Variants in SFXN5 observed in about 807,000 individuals in gnomAD.
The protein encoded by SFXN5 is sideroflexin-5.
SFXN5 carries 43 observed loss-of-function variants against 50.2 expected under a neutral mutation model. The observed-to-expected ratio is 0.86, with a 90% CI of 0.67 to 1.11. The LOEUF (loss-of-function observed/expected upper bound fraction) is 1.11, where lower values mean the gene tolerates loss of function less well. Ranked by LOEUF, SFXN5 falls within the 50% of genes least tolerant of loss-of-function variation. SFXN5 has a pLI of 0.00. For missense variants in SFXN5, 463 were observed against 454.1 expected (o/e 1.02, Z -0.18); for synonymous variants, 203 against 185.8 (o/e 1.09, Z -0.75).
intron 12 of SFXN5, among the ~76,000 whole-genome samples, chr2:72,964,227 G>A (rs1024959437): frequency 3.9e-5 from 6 of 152,202 alleles, no homozygotes; most frequent in East Asian, 1.9e-4. Context: ...TTTGCACTCC[G>A]TTAATTTGTA....
intron 1 of SFXN5, among the ~76,000 whole-genome samples, chr2:73,065,456 A>C (rs1006846183): frequency 5.9e-5 from 9 of 151,746 alleles, no homozygotes; most frequent in Admixed American, 5.9e-4. Flanking sequence ...GCTGGAGTGC[A>C]ATGGTGCAAT....
chr2:73,069,489 T>C (rs114484492), intron 1 of SFXN5, among the ~76,000 whole-genome samples: 1 of 152,142 alleles, frequency 6.6e-6, no homozygotes, highest in South Asian at 2.1e-4. Flanking sequence ...CAGGGAGCCA[T>C]GCGGGAGGAG....
At chr2:72,954,390 CT>C (rs1481673353) in intron 13 of SFXN5, among the ~76,000 whole-genome samples, 3 of 152,120 alleles carry the variant, frequency 2.0e-5, no homozygotes, top group Non-Finnish European at 4.4e-5. Flanking sequence ...GAGGTCAGTT[CT>C]CTGCTGAGGC....
At position 72,961,075 on chromosome 2, in the gene SFXN5, A is replaced by C; in HGVS notation, c.945+56T>G. ...CGGCACGGTATGAGTATTTGTTCAGAAATCACCAAACAGCACCCCCTGCCC... is the reference window on the plus strand; with the variant it reads ...CGGCACGGTATGAGTATTTGTTCAGCAATCACCAAACAGCACCCCCTGCCC... On this transcript the variant is annotated intron_variant, in intron 13 of 13. Coordinates refer to ENST00000272433, the MANE Select transcript of SFXN5 (RefSeq NM_144579.3). This position sits in a 1 kb window ranked among gnomAD's most constrained non-coding sequence, Gnocchi z 4.4. 7.9e-7 allele frequency: 1 copy of C among 1,263,372 alleles called. No homozygotes were observed. Among genetic ancestry groups the C allele is most frequent in the South Asian group, 1.5e-5 (1 of 65,534 alleles). The allele number at this position is 1,263,372 out of a possible 1,614,324, so 78.3% of individuals were successfully genotyped here. A position where few individuals can be genotyped will look rare whatever the true frequency, so the allele number is the denominator to read the frequency against.
intron 1 of SFXN5, among the ~76,000 whole-genome samples, chr2:73,060,824 C>CGAG (rs1484176672): frequency 1.3e-5 from 2 of 151,766 alleles, no homozygotes; most frequent in African/African-American, 4.8e-5. Flanking sequence ...CTCAGCCTCC[C>CGAG]GAGTAGCTGT....
intron 3 of SFXN5, among the ~76,000 whole-genome samples, chr2:73,031,952 C>A (rs900632649): frequency 6.6e-6 from 1 of 152,186 alleles, no homozygotes; most frequent in Non-Finnish European, 1.5e-5. Context: ...TGAGGCCACG[C>A]CCAGCTTAGA....
At chr2:73,018,650 G>A (rs1199282183) in intron 6 of SFXN5, among the ~76,000 whole-genome samples, 2 of 152,170 alleles carry the variant, frequency 1.3e-5, no homozygotes, top group African/African-American at 4.8e-5. Context: ...TTACCCAATA[G>A]TTTTAACATC....
At chr2:72,970,889 T>C (rs1163457302) in intron 11 of SFXN5, among the ~76,000 whole-genome samples, 1 of 152,020 alleles carries the variant, frequency 6.6e-6, no homozygotes, top group Non-Finnish European at 1.5e-5. Context: ...GGTTTTGCCA[T>C]GTTGGCCAGG....
chr2:73,051,257 C>CTTTTTTTTTTT (rs35074891), intron 2 of SFXN5, among the ~76,000 whole-genome samples: 2 of 114,770 alleles, frequency 1.7e-5, no homozygotes, highest in African/African-American at 3.5e-5. Context: ...TTTTCCAGCA[C>CTTTTTTTTTTT]TTTTTTTTTT....
rs146402242 is a variant in SFXN5 at position 73,001,882 on chromosome 2, T to C, written c.358-304A>G. On this transcript the variant is annotated intron_variant, in intron 6 of 13. Coordinates refer to ENST00000272433, the MANE Select transcript of SFXN5 (RefSeq NM_144579.3). ...CATGAAAAAACCTGTAGTGTGGATG[T>C]CTCTGGAGGTTGGGTTGCAGATTAC... is the stretch of plus-strand genomic sequence containing the variant. Among the ~76,000 whole-genome samples the C allele has an allele frequency of 1.3e-4, 20 of 152,362 alleles. No individual in the cohort carries two copies. In the East Asian group the frequency reaches 3.3e-3, roughly 25 times the overall value.
chr2:72,956,962 A>T, intron 13 of SFXN5: 1 of 454,652 alleles, frequency 2.2e-6, no homozygotes, highest in Non-Finnish European at 4.4e-6. Context: ...CTCCACTCCT[A>T]GTCCCCTCTG....
intron 6 of SFXN5, among the ~76,000 whole-genome samples, chr2:73,004,782 G>A (rs945112071): frequency 6.6e-6 from 1 of 152,224 alleles, no homozygotes; most frequent in Admixed American, 6.5e-5. Flanking sequence ...GGGACCAAAA[G>A]CACGAGGATG....
chr2:72,977,291 T>C (rs149949105), intron 10 of SFXN5, among the ~76,000 whole-genome samples: 126 of 152,318 alleles, frequency 8.3e-4, no homozygotes, highest in Non-Finnish European at 1.3e-3. Context: ...CCTTATTATT[T>C]AAACCCTCAA....
intron 6 of SFXN5, among the ~76,000 whole-genome samples, chr2:73,013,453 T>C (rs894169299): frequency 4.6e-5 from 6 of 129,330 alleles, no homozygotes; most frequent in Non-Finnish European, 1.0e-4. Flanking sequence ...GTTTGAGAGA[T>C]AGAGATGATA....
chr2:73,049,194 T>G (rs1680912777), intron 2 of SFXN5: 1 of 152,214 alleles, frequency 6.6e-6, no homozygotes, highest in African/African-American at 2.4e-5. Flanking sequence ...TGGTATCTGG[T>G]GAGGGCATCT....
At position 72,944,927 on chromosome 2, in the gene SFXN5, G is replaced by T; in HGVS notation, c.*95C>A. ...AGGGGGCCCAGGACTGCTGGGGTTG[G>T]CGTGCTGCTCCCTGCAGGTGCAGCC... On this transcript the variant is annotated 3_prime_UTR_variant, in exon 14 of 14. Transcript: ENST00000272433. 8.6e-7 allele frequency: 1 copy of T among 1,160,000 alleles called. No homozygotes were observed. The highest frequency in any genetic ancestry group is 1.2e-6 in the Non-Finnish European group (1 of 801,056). The allele number at this position is 1,160,000 out of a possible 1,614,324, so 71.9% of individuals were successfully genotyped here.
chr2:72,985,496 G>A (rs1671799969), intron 10 of SFXN5, among the ~76,000 whole-genome samples: 1 of 150,748 alleles, frequency 6.6e-6, no homozygotes, highest in Admixed American at 6.6e-5. Context: ...CATGGACTAG[G>A]GCAGTCCGCA....
intron 4 of SFXN5, 33 bp downstream of exon 4, chr2:73,023,155 G>A (rs1175383316): frequency 1.3e-6 from 2 of 1,596,050 alleles, no homozygotes. Context: ...GGACAACACG[G>A]AGAAGGAAAT....
In SFXN5 at chr2:73,050,388, G is replaced by GCGCGCACACACACA; in HGVS notation, c.171+8139_171+8140insTGTGTGTGTGCGCG. ...GTGGAGGTAGCGCCGCAGCCACAGCGCACGCACACACACACACACACACAC... is the reference window on the plus strand; with the variant it reads ...GTGGAGGTAGCGCCGCAGCCACAGCGCGCGCACACACACACACGCACACACACACACACACACAC... On this transcript the variant is annotated intron_variant, in intron 2 of 13. Coordinates refer to ENST00000272433, the MANE Select transcript of SFXN5 (RefSeq NM_144579.3). 5.2e-3 allele frequency among the ~76,000 whole-genome samples: 747 copies of GCGCGCACACACACA among 143,894 alleles called. 10 individuals carry two copies. The highest frequency in any genetic ancestry group is 0.013 in the African/African-American group (469 of 36,212). 94.4% of individuals were successfully genotyped at this position (143,894 alleles called of 152,430 possible). A position where few individuals can be genotyped will look rare whatever the true frequency, so the allele number is the denominator to read the frequency against.
Sources: allele counts gnomAD v4.1 joint callset (sites outside exome capture counted in the v4.1 genomes callset), GRCh38; gene constraint gnomAD v4.1.1; non-coding constraint Gnocchi (gnomAD v3.1); transcripts MANE v1.5; gene names NCBI Gene and HGNC (gene_info 2026-07-23, HGNC 2026-07-21).